The following METTL15 variants were observed in gnomAD, a reference collection of about 807,000 sequenced individuals.
The protein encoded by METTL15 is 12S rRNA N(4)-cytidine methyltransferase METTL15.
METTL15 carries 34 observed loss-of-function variants against 38.3 expected under a neutral mutation model. The observed-to-expected ratio is 0.89, with a 90% CI of 0.68 to 1.18. METTL15 has a LOEUF of 1.18. Ranked by LOEUF, METTL15 falls within the 50% of genes most tolerant of loss-of-function variation. The pLI, the probability that METTL15 is intolerant of heterozygous loss-of-function variation, is 0.00. For missense variants in METTL15, 438 were observed against 498.4 expected (o/e 0.88, Z 1.15); for synonymous variants, 162 against 170.9 (o/e 0.95, Z 0.41).
chr11:28,373,566 T>C (rs1850270538), intron 5 of METTL15, among the ~76,000 whole-genome samples: 1 of 152,320 alleles, frequency 6.6e-6, no homozygotes, highest in Non-Finnish European at 1.5e-5. Context: ...ATTTTGTAGG[T>C]TGCCTGTTCA....
intron 6 of METTL15, among the ~76,000 whole-genome samples, chr11:28,516,002 G>C (rs1851716568): frequency 1.3e-5 from 2 of 152,140 alleles, no homozygotes; most frequent in African/African-American, 4.8e-5. Flanking sequence ...AGCCCAAAGG[G>C]AACCACAGAA....
chr11:28,412,110 A>G (rs2133413466), intron 5 of METTL15, among the ~76,000 whole-genome samples: 1 of 152,146 alleles, frequency 6.6e-6, no homozygotes. Flanking sequence ...TAATGAGGGT[A>G]TGGAGAAAGG....
Position 28,194,290 on chromosome 11 carries a change from C to T in METTL15, c.271-16772C>T, listed in dbSNP as rs139488384. 1.7e-3 allele frequency among the ~76,000 whole-genome samples: 251 copies of T among 151,414 alleles called. 2 individuals carry two copies. The highest frequency in any genetic ancestry group is 5.9e-3 in the African/African-American group (242 of 41,248). ...CTCAGCTCACAGCAACCTCTACCTC[C>T]TGGGTTCAAGCAATTCTCCTGCCAC... On this transcript the variant is annotated intron_variant, in intron 3 of 6. Coordinates refer to ENST00000407364, the MANE Select transcript of METTL15 (RefSeq NM_001113528.2).
intron 5 of METTL15, among the ~76,000 whole-genome samples, chr11:28,382,170 C>T (rs1850393206): frequency 6.6e-6 from 1 of 152,110 alleles, no homozygotes; most frequent in Non-Finnish European, 1.5e-5. Flanking sequence ...GTTGCCCATT[C>T]CAAATGGTTG....
At chr11:28,293,978 G>A (rs1305728485) in intron 5 of METTL15, among the ~76,000 whole-genome samples, 1 of 152,110 alleles carries the variant, frequency 6.6e-6, no homozygotes, top group Non-Finnish European at 1.5e-5. Context: ...GGGTTTTCTA[G>A]ATATACAATC....
chr11:28,115,264 CT>C (rs567519935), intron 3 of METTL15, among the ~76,000 whole-genome samples: 40 of 146,316 alleles, frequency 2.7e-4, no homozygotes, highest in Admixed American at 4.1e-4. Flanking sequence ...TTCTCGTTTT[CT>C]TTTTTTTTTT....
At chr11:28,253,818 C>CT (rs1854854332) in intron 4 of METTL15, among the ~76,000 whole-genome samples, 2 of 152,040 alleles carry the variant, frequency 1.3e-5, no homozygotes, top group African/African-American at 4.8e-5. Flanking sequence ...CTCATCCATT[C>CT]TTTTTTATGG....
At chr11:28,142,258 CCAAAGAAAAGAGAAA>C (rs1849725378) in intron 3 of METTL15, among the ~76,000 whole-genome samples, 1 of 151,848 alleles carries the variant, frequency 6.6e-6, no homozygotes, top group African/African-American at 2.4e-5. Context: ...TAGAAAAGGG[CCAAAGAAAAGAGAAA>C]CAAAGAACAA....
intron 4 of METTL15, among the ~76,000 whole-genome samples, chr11:28,246,296 A>G (rs1002843949): frequency 4.6e-5 from 7 of 152,176 alleles, no homozygotes; most frequent in African/African-American, 1.7e-4. Context: ...GTGTTTGAAA[A>G]TATGTGTATT....
intron 4 of METTL15, among the ~76,000 whole-genome samples, chr11:28,223,323 T>C (rs1040783444): frequency 2.0e-5 from 3 of 152,126 alleles, no homozygotes; most frequent in African/African-American, 7.2e-5. Context: ...TTCAGAGTTA[T>C]ATATAATTTA....
chr11:28,258,299 C>T (rs1006872477), intron 4 of METTL15, among the ~76,000 whole-genome samples: 1 of 152,186 alleles, frequency 6.6e-6, no homozygotes, highest in Non-Finnish European at 1.5e-5. Context: ...ACTGTTGCCA[C>T]CACCACTGTG....
intron 4 of METTL15, among the ~76,000 whole-genome samples, chr11:28,215,513 C>G (rs1334379846): frequency 1.3e-5 from 2 of 151,766 alleles, no homozygotes; most frequent in South Asian, 2.1e-4. Flanking sequence ...CTTCTTAGGC[C>G]TTCACTTGGG....
chr11:28,191,222 T>G (rs988568943), intron 3 of METTL15, among the ~76,000 whole-genome samples: 6 of 151,412 alleles, frequency 4.0e-5, no homozygotes, highest in Admixed American at 2.6e-4. Flanking sequence ...TAACTATATA[T>G]AAATTGAAGT....
intron 6 of METTL15, among the ~76,000 whole-genome samples, chr11:28,475,100 C>T (rs1851334464): frequency 6.6e-6 from 1 of 152,114 alleles, no homozygotes; most frequent in South Asian, 2.1e-4. Context: ...TTGTACTCAC[C>T]TGGGCAAGAG....
chr11:28,462,195 C>T (rs1439579936), intron 6 of METTL15, among the ~76,000 whole-genome samples: 3 of 151,960 alleles, frequency 2.0e-5, no homozygotes, highest in Non-Finnish European at 1.5e-5. Context: ...CATATCTGAC[C>T]TAATACTTTA....
At chr11:28,372,958 T>G (rs1056841745) in intron 5 of METTL15, among the ~76,000 whole-genome samples, 1 of 151,630 alleles carries the variant, frequency 6.6e-6, no homozygotes, top group African/African-American at 2.4e-5. Flanking sequence ...CTCATCATTT[T>G]TTATGGCTGC....
intron 5 of METTL15, among the ~76,000 whole-genome samples, chr11:28,372,633 T>C (rs1850257673): frequency 6.6e-6 from 1 of 151,800 alleles, no homozygotes. Flanking sequence ...TTTTTTATTA[T>C]TATACTTTAA....
chr11:28,487,732 A>G (rs1851450228), intron 6 of METTL15, among the ~76,000 whole-genome samples: 1 of 152,182 alleles, frequency 6.6e-6, no homozygotes, highest in Admixed American at 6.6e-5. Flanking sequence ...CCACTGCCTT[A>G]TCACCATCTA....
intron 5 of METTL15, among the ~76,000 whole-genome samples, chr11:28,373,737 G>C (rs1377759206): frequency 1.3e-5 from 2 of 152,020 alleles, no homozygotes; most frequent in African/African-American, 2.4e-5. Flanking sequence ...TGAAGTCCTT[G>C]CCCGTGCCTA....
Sources: allele counts gnomAD v4.1 joint callset (sites outside exome capture counted in the v4.1 genomes callset), GRCh38; gene constraint gnomAD v4.1.1; transcripts MANE v1.5; gene names NCBI Gene and HGNC (gene_info 2026-07-23, HGNC 2026-07-21).